The following VRK1 variants were observed in gnomAD, a reference collection of about 807,000 sequenced individuals.
The protein encoded by VRK1 is serine/threonine-protein kinase VRK1.
Under a neutral mutation model 57.1 loss-of-function variants are expected in VRK1, and 33 were observed. The ratio of observed to expected loss-of-function variants is 0.58; its 90% CI spans 0.44 to 0.77. The LOEUF is 0.77. VRK1 is among the 30% of genes least tolerant of loss of function. The pLI is 0.00. For missense variants in VRK1, 413 were observed against 477.3 expected (o/e 0.87, Z 1.25); for synonymous variants, 137 against 147.8 (o/e 0.93, Z 0.53).
In VRK1 at chr14:96,855,307, T is replaced by C. The variant is rs762979613; in HGVS notation, c.660T>C (p.Cys220=). The part of the protein sequence containing the change: ...HKEYKEDPKR[C]HDGTIEFTSI... ...AATACAAAGAAGACCCCAAAAGATG[T>C]CACGATGGCACTATTGAATTCACGA... Residue 220 remains cysteine, a synonymous_variant, in exon 8 of 13, where the codon TGT becomes TGC. Coordinates refer to ENST00000216639, the MANE Select transcript of VRK1 (RefSeq NM_003384.3). The C allele has an allele frequency of 8.7e-6, 14 of 1,614,008 alleles. No homozygotes were observed. The South Asian group carries it at 1.5e-4, about 18-fold the overall frequency.
At chr14:96,837,853 T>G (rs752521502) in intron 3 of VRK1, 36 bp downstream of exon 3, 2 of 1,503,310 alleles carry the variant, frequency 1.3e-6, no homozygotes, top group Non-Finnish European at 1.8e-6. Context: ...TTCTTTTCTG[T>G]TGATTTGGTG....
chr14:96,856,959 C>T (rs1457634608), intron 10 of VRK1, among the ~76,000 whole-genome samples: 1 of 150,656 alleles, frequency 6.6e-6, no homozygotes, highest in East Asian at 1.9e-4. Flanking sequence ...CAGAGTGAGA[C>T]TCCGTCTCAG....
chr14:96,831,346 A>T (rs139413633), intron 1 of VRK1, among the ~76,000 whole-genome samples: 401 of 152,274 alleles, frequency 2.6e-3, no homozygotes, highest in Non-Finnish European at 4.5e-3. Flanking sequence ...TTATGGGGGA[A>T]TTCAGGGAGA....
chr14:96,826,205 C>T (rs1886796134), intron 1 of VRK1, among the ~76,000 whole-genome samples: 1 of 152,078 alleles, frequency 6.6e-6, no homozygotes, highest in African/African-American at 2.4e-5. Context: ...GGAATGTTAT[C>T]TGAAAAACAG....
chr14:96,851,299 C>T (rs918106941), intron 5 of VRK1, among the ~76,000 whole-genome samples: 1 of 152,064 alleles, frequency 6.6e-6, no homozygotes, highest in Non-Finnish European at 1.5e-5. Context: ...TGCCACCGTG[C>T]CCGGCTAATT....
rs372614433 is a variant in VRK1 at position 96,853,202 on chromosome 14, G to A, written c.576+36G>A. 57 of 1,561,004 alleles carry A rather than the reference G, an allele frequency of 3.7e-5. 1 individual carries two copies. Among genetic ancestry groups the A allele is most frequent in the Middle Eastern group, 3.3e-4 (2 of 5,994 alleles). Reference sequence around the variant, plus strand: ...AACTTTAATTTCTACTATTTAAAGCGTGTTGTTTGAAAATAAATATGGTTG... The same window carrying A: ...AACTTTAATTTCTACTATTTAAAGCATGTTGTTTGAAAATAAATATGGTTG... On this transcript the variant is annotated intron_variant, in intron 7 of 12. Transcript: ENST00000216639.
At chr14:96,830,102 A>T (rs1886948424) in intron 1 of VRK1, among the ~76,000 whole-genome samples, 1 of 151,954 alleles carries the variant, frequency 6.6e-6, no homozygotes, top group Non-Finnish European at 1.5e-5. Flanking sequence ...ATTTGATTTT[A>T]TTTTCCTTAT....
chr14:96,854,169 C>G (rs369746448), intron 7 of VRK1, among the ~76,000 whole-genome samples: 1 of 152,086 alleles, frequency 6.6e-6, no homozygotes, highest in African/African-American at 2.4e-5. Context: ...CATCTCTGCT[C>G]TTTCTAGCCA....
intron 11 of VRK1, among the ~76,000 whole-genome samples, chr14:96,870,950 T>A (rs1888797095): frequency 6.6e-6 from 1 of 152,156 alleles, no homozygotes; most frequent in Admixed American, 6.5e-5. Flanking sequence ...GCTGACTTTA[T>A]GAAAGCAGTG....
chr14:96,810,047 G>A (rs1011987990), intron 1 of VRK1, among the ~76,000 whole-genome samples: 1 of 152,128 alleles, frequency 6.6e-6, no homozygotes, highest in African/African-American at 2.4e-5. Context: ...ATCTTAGTGT[G>A]GTTTTCGTGG....
intron 1 of VRK1, among the ~76,000 whole-genome samples, chr14:96,816,342 A>G (rs1459047664): frequency 1.3e-5 from 2 of 152,182 alleles, no homozygotes; most frequent in Admixed American, 6.5e-5. Flanking sequence ...GCCAAAATGA[A>G]TGACTACCGC....
chr14:96,807,218 C>G (rs1255458246), intron 1 of VRK1, among the ~76,000 whole-genome samples: 1 of 152,154 alleles, frequency 6.6e-6, no homozygotes, highest in African/African-American at 2.4e-5. Context: ...AAAGTTTTGA[C>G]CATTAGAAAA....
intron 1 of VRK1, among the ~76,000 whole-genome samples, chr14:96,821,704 A>G (rs985909190): frequency 6.6e-6 from 1 of 152,188 alleles, no homozygotes; most frequent in African/African-American, 2.4e-5. Flanking sequence ...TCCTCTGCTC[A>G]AGACCTTCCA....
chr14:96,798,981 G>A (rs1329116298), intron 1 of VRK1, among the ~76,000 whole-genome samples: 1 of 152,178 alleles, frequency 6.6e-6, no homozygotes, highest in Non-Finnish European at 1.5e-5. Context: ...TGTTAATACA[G>A]TAACACAACT....
rs549505565 is a variant in VRK1 at position 96,876,103 on chromosome 14, A to G, written c.1142A>G (p.Glu381Gly). 1.2e-6 allele frequency: 2 copies of G among 1,613,660 alleles called. No homozygotes were observed. Among genetic ancestry groups the G allele is most frequent in the African/African-American group, 2.7e-5 (2 of 75,028 alleles). ...EDTEWSNTQT[E>G]EAIQTRSRTR... The stretch of plus-strand genomic sequence containing the variant: ...ACGGAATGGTCAAACACACAGACAG[A>G]GGAGGCCATACAGACCCGTAAGTTG... The change falls in exon 12 of 13, where the codon GAG becomes GGG. Residue 381 changes from glutamate (E) to glycine (G), a missense_variant. Around this residue, in one of 3 missense-constraint regions of VRK1, gnomAD observed 146 missense variants for 138.2 expected, o/e 1.06. Coordinates refer to ENST00000216639, the MANE Select transcript of VRK1 (RefSeq NM_003384.3).
At chr14:96,878,737 C>A (rs967937299) in intron 12 of VRK1, among the ~76,000 whole-genome samples, 2 of 152,028 alleles carry the variant, frequency 1.3e-5, no homozygotes, top group Non-Finnish European at 2.9e-5. Flanking sequence ...GGCCTCTAAT[C>A]CTTTTATTTT....
chr14:96,797,861 G>C (rs1595629591), intron 1 of VRK1, among the ~76,000 whole-genome samples: 1 of 152,254 alleles, frequency 6.6e-6, no homozygotes. Context: ...TCACTCTGTA[G>C]AAGGGAAACA....
At chr14:96,841,934 C>T (rs142498130) in intron 3 of VRK1, among the ~76,000 whole-genome samples, 1,622 of 152,122 alleles carry the variant, frequency 0.011, 23 homozygotes, top group South Asian at 0.056. Context: ...TGCTTCTTTT[C>T]CCCTAGCACT....
intron 11 of VRK1, among the ~76,000 whole-genome samples, chr14:96,867,456 AGTGTGTGTGTGTGTGT>A (rs34415863): frequency 0.011 from 1,566 of 148,488 alleles, 30 homozygotes; most frequent in African/African-American, 0.036. Flanking sequence ...TCTGTGCACA[AGTGTGTGTGTGTGTGT>A]GTGTGTGTGT....
Sources: gnomAD v4.1 joint callset for allele counts (sites outside exome capture counted in the v4.1 genomes callset) on GRCh38, gnomAD v4.1.1 for gene constraint, gnomAD v4.1.1 regional missense constraint, MANE v1.5 for transcripts, NCBI Gene and HGNC (gene_info 2026-07-23, HGNC 2026-07-21) for gene names.